The following SELENOV variants were observed in gnomAD, a reference collection of about 807,000 sequenced individuals.
The protein encoded by SELENOV is selenoprotein V.
In SELENOV, 25 loss-of-function variants were observed where a neutral mutation model predicts 21.6. The observed-to-expected ratio is 1.16, with a 90% CI of 0.84 to 1.62. The LOEUF (loss-of-function observed/expected upper bound fraction) is 1.62, where lower values mean the gene tolerates loss of function less well. Ranked by LOEUF, SELENOV falls within the 40% of genes most tolerant of loss-of-function variation. SELENOV has a pLI of 0.00. For synonymous variants in SELENOV, 227 were observed against 216.9 expected (o/e 1.05, Z -0.41); for missense variants, 472 against 459.0 (o/e 1.03, Z -0.26).
chr19:39,519,290 A>G, intron 5 of SELENOV, 120 bp downstream of exon 5: 2 of 712,414 alleles, frequency 2.8e-6, no homozygotes, highest in South Asian at 1.6e-5. Context: ...GAATCATGAC[A>G]AGTCACCTAC....
At chr19:39,518,740 T>A (rs545337055) in exon 3 of SELENOV, 5 of 1,613,796 alleles carry the variant, frequency 3.1e-6, no homozygotes, top group Non-Finnish European at 3.4e-6. Context: ...CTCCCCTCAG[T>A]ACATTCTACT....
chr19:39,518,854 G>A (rs374768036), intron 3 of SELENOV, 49 bp from the exon 4 acceptor site: 27 of 1,611,652 alleles, frequency 1.7e-5, no homozygotes, highest in Non-Finnish European at 2.0e-5. Context: ...TCCCCAAGGG[G>A]CTTGGAGGAG....
At chr19:39,518,036 G>A (rs1001560716) in intron 1 of SELENOV, among the ~76,000 whole-genome samples, 46 of 143,856 alleles carry the variant, frequency 3.2e-4, no homozygotes, top group African/African-American at 1.1e-3. Context: ...ACTTTGGGAG[G>A]CCGAGGTGGG....
chr19:39,515,683 TG>T lies in SELENOV; in HGVS notation c.472del (p.Ala158LeufsTer18). 1 of 1,548,904 alleles carries T rather than the reference TG, an allele frequency of 6.5e-7. No homozygotes were observed. Among genetic ancestry groups the T allele is most frequent in the East Asian group, 2.4e-5 (1 of 40,900 alleles). On this transcript the variant is annotated frameshift_variant, in exon 1 of 6. Transcript: ENST00000335426. LOFTEE classifies it high-confidence loss of function. This position sits in a 1 kb window ranked among gnomAD's most constrained non-coding sequence, Gnocchi z 5.1. Reference sequence around the variant, plus strand: ...TACCTTTGGATCCGCCCCCGGAACCTGCTCCGGAGCTGCCTTTGTTGCCCGA... The same window carrying T: ...TACCTTTGGATCCGCCCCCGGAACCTCTCCGGAGCTGCCTTTGTTGCCCGA...
Position 39,518,595 on chromosome 19 carries a change from T to A in SELENOV, c.810-13T>A. ...CTCTCTCTTAACTTTCTCCTCCTGC[T>A]CTTGGCCTCCAGTGGCCTCTGAAGC... On this transcript the variant is annotated splice_polypyrimidine_tract_variant and intron_variant, in intron 1 of 5. Coordinates refer to ENST00000335426, the Ensembl canonical transcript of SELENOV. 1 of 1,597,092 alleles carries A rather than the reference T, an allele frequency of 6.3e-7. No individual in the cohort carries two copies. The highest frequency in any genetic ancestry group is 8.5e-7 in the Non-Finnish European group (1 of 1,170,608).
chr19:39,518,298 A>AG (rs2079709588), intron 1 of SELENOV, among the ~76,000 whole-genome samples: 1 of 139,388 alleles, frequency 7.2e-6, no homozygotes, highest in Non-Finnish European at 1.6e-5. Context: ...AAAAAACAAA[A>AG]AAAAAAGAGA....
intron 1 of SELENOV, among the ~76,000 whole-genome samples, chr19:39,518,313 G>GAGAA (rs2079710020): frequency 6.6e-6 from 1 of 150,926 alleles, no homozygotes; most frequent in African/African-American, 2.4e-5. Flanking sequence ...AAGAGAGAGA[G>GAGAA]AGAGAAAGAA....
chr19:39,515,880 C>T lies in SELENOV; in HGVS notation c.668C>T (p.Pro223Leu). ...CCGTCGGCCATCGGGCTGGCGGATC[C>T]CCCCATTCCCAGTCCTGTCCCCTCG... Residue 223 changes from proline (P) to leucine (L), a missense_variant, in exon 1 of 6, where the codon CCC becomes CTC. Physicochemically the swap from Pro to Leu is moderately conservative, Grantham distance 98 (BLOSUM62 -3). Coordinates refer to ENST00000335426, the Ensembl canonical transcript of SELENOV. The surrounding 1 kb of genome is among the most constrained non-coding windows in gnomAD (Gnocchi z 5.1). 1.3e-6 allele frequency: 2 copies of T among 1,563,942 alleles called. No homozygotes were observed. The highest frequency in any genetic ancestry group is 1.7e-6 in the Non-Finnish European group (2 of 1,154,652).
intron 1 of SELENOV, among the ~76,000 whole-genome samples, chr19:39,518,302 AAAG>A (rs2079709695): frequency 6.8e-6 from 1 of 147,472 alleles, no homozygotes; most frequent in African/African-American, 2.5e-5. Context: ...AACAAAAAAA[AAAG>A]AGAGAGAGAG....
At chr19:39,518,294 C>CAAAAAAAAAAAAAAAAAAAA (rs56055153) in intron 1 of SELENOV, among the ~76,000 whole-genome samples, 6 of 107,176 alleles carry the variant, frequency 5.6e-5, no homozygotes, top group African/African-American at 1.7e-4. Flanking sequence ...AACAAAAAAA[C>CAAAAAAAAAAAAAAAAAAAA]AAAAAAAAAA....
Position 39,515,402 on chromosome 19 carries a change from C to T in SELENOV, c.190C>T (p.Pro64Ser). ...CGGGACTTCCCCTCTGGTCCTGACT[C>T]CTGCTCCAGCCCAGATTCCCACTCT... Residue 64 changes from proline (P) to serine (S), a missense_variant, in exon 1 of 6, where the codon CCT (proline) becomes TCT (serine). Transcript: ENST00000335426. The surrounding 1 kb of genome is among the most constrained non-coding windows in gnomAD (Gnocchi z 5.1). 2.6e-6 allele frequency: 4 copies of T among 1,551,614 alleles called. No homozygotes were observed. The Admixed American group carries it at 5.9e-5, about 23-fold the overall frequency.
chr19:39,516,218 A>G, intron 1 of SELENOV, 197 bp downstream of exon 1: 1 of 701,940 alleles, frequency 1.4e-6, no homozygotes, highest in Admixed American at 2.0e-5. Context: ...TTCAGGTTCA[A>G]ATCCCTGCTT....
exon 6 of SELENOV, chr19:39,520,344 C>T (rs923692724): frequency 1.3e-5 from 2 of 151,930 alleles, no homozygotes; most frequent in African/African-American, 2.4e-5. Flanking sequence ...TATTCTGGCC[C>T]CAGGGGTGGG....
intron 5 of SELENOV, 55 bp downstream of exon 5, chr19:39,519,225 A>T: frequency 8.2e-7 from 1 of 1,213,500 alleles, no homozygotes; most frequent in South Asian, 1.3e-5. Context: ...GGGTAGGAGG[A>T]TGGGGCAGGG....
chr19:39,517,404 C>T (rs564646535), intron 1 of SELENOV, among the ~76,000 whole-genome samples: 1 of 152,132 alleles, frequency 6.6e-6, no homozygotes, highest in South Asian at 2.1e-4. Context: ...CTCCCATGGG[C>T]TGGTGTGGAG....
In SELENOV at chr19:39,515,762, G is replaced by A; in HGVS notation, c.550G>A (p.Glu184Lys). ...GAAGCTCATCCCGTCGGTCTCCAGC[G>A]AGGCCGGGCCCGCCCCGGGGCCCCT... Residue 184 changes from glutamate to lysine, a missense_variant, in exon 1 of 6, where the codon GAG (glutamate) becomes AAG (lysine). By Grantham distance (56) the Glu-to-Lys change is moderately conservative. Transcript: ENST00000335426. The surrounding 1 kb of genome is among the most constrained non-coding windows in gnomAD (Gnocchi z 5.1). The A allele has an allele frequency of 6.5e-7, 1 of 1,549,308 alleles. No homozygotes were observed. The highest frequency in any genetic ancestry group is 2.4e-5 in the East Asian group (1 of 40,878).
rs1381107910 is a variant in SELENOV at position 39,518,593 on chromosome 19, G to A, written c.810-15G>A. On this transcript the variant is annotated splice_polypyrimidine_tract_variant and intron_variant, in intron 1 of 5. Transcript: ENST00000335426. ...GTCTCTCTCTTAACTTTCTCCTCCT[G>A]CTCTTGGCCTCCAGTGGCCTCTGAA... 6 of 1,595,352 alleles carry A rather than the reference G, an allele frequency of 3.8e-6. No homozygotes were observed. The highest frequency in any genetic ancestry group is 5.1e-6 in the Non-Finnish European group (6 of 1,169,758).
intron 1 of SELENOV, among the ~76,000 whole-genome samples, chr19:39,517,992 G>GA (rs1555756164): frequency 3.8e-5 from 1 of 26,374 alleles, no homozygotes; most frequent in Non-Finnish European, 8.1e-5. Flanking sequence ...AAAAAAAAAA[G>GA]CCCAGCGCGG....
At chr19:39,516,061 A>C (rs2079695685) in intron 1 of SELENOV, 40 bp downstream of exon 1, 1 of 1,529,938 alleles carries the variant, frequency 6.5e-7, no homozygotes, top group African/African-American at 1.4e-5. Context: ...CCCCGGGGAC[A>C]GGGCCGGCAG....
Sources: allele counts gnomAD v4.1 joint callset (sites outside exome capture counted in the v4.1 genomes callset), GRCh38; gene constraint gnomAD v4.1.1; non-coding constraint Gnocchi (gnomAD v3.1); transcripts MANE v1.5; gene names NCBI Gene and HGNC (gene_info 2026-07-23, HGNC 2026-07-21).